MKNK1: variants seen among roughly 807,000 people sequenced by gnomAD.
The protein encoded by MKNK1 is MAP kinase-interacting serine/threonine-protein kinase 1.
MKNK1 carries 30 observed loss-of-function variants against 49.3 expected under a neutral mutation model. That is an observed-to-expected ratio of 0.61 (90% CI 0.46 to 0.83). The LOEUF (loss-of-function observed/expected upper bound fraction) is 0.83. Among genes scored for constraint, MKNK1 ranks in the 40% least tolerant of loss-of-function variants. MKNK1 has a pLI of 0.00. For missense variants in MKNK1, 423 were observed against 524.7 expected (o/e 0.81, Z 1.89); for synonymous variants, 176 against 201.7 (o/e 0.87, Z 1.08).
At chr1:46,602,635 G>A (rs1023094381) in intron 1 of MKNK1, among the ~76,000 whole-genome samples, 1 of 151,712 alleles carries the variant, frequency 6.6e-6, no homozygotes, top group Admixed American at 6.6e-5. Flanking sequence ...TTAAAACACT[G>A]AGATTTTTTT....
chr1:46,571,033 A>C (rs998101175), intron 7 of MKNK1, among the ~76,000 whole-genome samples: 3 of 152,240 alleles, frequency 2.0e-5, no homozygotes, highest in Non-Finnish European at 2.9e-5. Context: ...CATTTTTTCC[A>C]GGGTACTGCT....
intron 1 of MKNK1, among the ~76,000 whole-genome samples, chr1:46,594,691 A>T (rs998516309): frequency 2.0e-5 from 3 of 152,206 alleles, no homozygotes; most frequent in Admixed American, 1.3e-4. Context: ...GAGGAGTCTC[A>T]GGCAAAAGAT....
At position 46,589,485 on chromosome 1, in the gene MKNK1, G is replaced by A. The variant is rs1461615215; in HGVS notation, c.-3+4628C>T. Among the ~76,000 whole-genome samples the A allele has an allele frequency of 1.3e-5, 2 of 152,174 alleles. No individual in the cohort carries two copies. The highest frequency in any genetic ancestry group is 2.9e-5 in the Non-Finnish European group (2 of 68,028). On this transcript the variant is annotated intron_variant, in intron 2 of 12. Coordinates refer to ENST00000371945, the MANE Select transcript of MKNK1 (RefSeq NM_001135553.4). This position sits in a 1 kb window ranked among gnomAD's most constrained non-coding sequence, Gnocchi z 4.3. The stretch of plus-strand genomic sequence containing the variant: ...GCTCACAAGCAGTCTCATCGTCATC[G>A]ATGATAATAAATGTCTCCATTCCTA...
chr1:46,582,122 G>C (rs1027372022), intron 3 of MKNK1, among the ~76,000 whole-genome samples: 19 of 152,272 alleles, frequency 1.2e-4, no homozygotes, highest in African/African-American at 4.3e-4. Flanking sequence ...AAGAGCAAAA[G>C]AGCTGTTGAT....
chr1:46,567,238 G>T (rs769288391), intron 8 of MKNK1, among the ~76,000 whole-genome samples: 21 of 152,134 alleles, frequency 1.4e-4, no homozygotes, highest in Non-Finnish European at 2.6e-4. Flanking sequence ...CCACTGCCTG[G>T]TCCCAATTAT....
chr1:46,576,442 C>T (rs995633151), intron 5 of MKNK1, 133 bp downstream of exon 5: 6 of 700,772 alleles, frequency 8.6e-6, no homozygotes, highest in African/African-American at 5.3e-5. Context: ...CTGAAAGGGG[C>T]GGAAGGAGGT....
In MKNK1 at chr1:46,594,215, G is replaced by T; in HGVS notation, c.-105C>A. Reference sequence around the variant, plus strand: ...AGTTGGTGTCTTCCAGCTACACGAAGTGTCTCAATGGCCTTTGTGCGTAGG... The same window carrying T: ...AGTTGGTGTCTTCCAGCTACACGAATTGTCTCAATGGCCTTTGTGCGTAGG... On this transcript the variant is annotated 5_prime_UTR_variant, in exon 2 of 13. Coordinates refer to ENST00000371945, the MANE Select transcript of MKNK1 (RefSeq NM_001135553.4). The T allele has an allele frequency of 8.0e-7, 1 of 1,245,396 alleles. No homozygotes were observed. Among genetic ancestry groups the T allele is most frequent in the Non-Finnish European group, 1.2e-6 (1 of 845,324 alleles). 77.1% of individuals were successfully genotyped at this position (1,245,396 alleles called of 1,614,324 possible). A position where few individuals can be genotyped will look rare whatever the true frequency, so the allele number is the denominator to read the frequency against.
intron 6 of MKNK1, 41 bp downstream of exon 6, chr1:46,574,906 G>A (rs771908451): frequency 3.0e-6 from 4 of 1,320,994 alleles, no homozygotes; most frequent in Non-Finnish European, 3.2e-6. Flanking sequence ...ACCACCCTGG[G>A]TCTTAATCAG....
intron 2 of MKNK1, among the ~76,000 whole-genome samples, chr1:46,590,582 C>T (rs1673189417): frequency 6.6e-6 from 1 of 152,260 alleles, no homozygotes; most frequent in African/African-American, 2.4e-5. Flanking sequence ...AGATCTACAT[C>T]TAGATGGTCT....
At chr1:46,574,780 T>C in intron 6 of MKNK1, 167 bp downstream of exon 6, 1 of 581,744 alleles carries the variant, frequency 1.7e-6, no homozygotes, top group Non-Finnish European at 3.1e-6. Flanking sequence ...AAAATGCTAA[T>C]TATCATCCTT....
At chr1:46,560,008 G>T (rs1667653877) in intron 12 of MKNK1, among the ~76,000 whole-genome samples, 1 of 152,152 alleles carries the variant, frequency 6.6e-6, no homozygotes, top group Admixed American at 6.5e-5. Context: ...ACAGTGCTAG[G>T]AGGGGCCTTA....
At chr1:46,566,620 C>T (rs530615381) in intron 8 of MKNK1, among the ~76,000 whole-genome samples, 32 of 152,330 alleles carry the variant, frequency 2.1e-4, no homozygotes, top group African/African-American at 6.7e-4. Flanking sequence ...ATGAGGGTTA[C>T]GATTTCTCCA....
chr1:46,560,337 C>T, intron 11 of MKNK1, 60 bp from the exon 12 acceptor site: 1 of 1,572,024 alleles, frequency 6.4e-7, no homozygotes, highest in Non-Finnish European at 8.8e-7. Flanking sequence ...AAGAACTGCC[C>T]CACCCAAGCC....
rs141671229 is a variant in MKNK1 at position 46,571,599 on chromosome 1, T to G, written c.457+464A>C. 26 of 399,704 alleles carry G rather than the reference T, an allele frequency of 6.5e-5. No individual in the cohort carries two copies. In the East Asian group the frequency reaches 1.6e-3, roughly 25 times the overall value. 24.8% of individuals were successfully genotyped at this position (399,704 alleles called of 1,614,324 possible). A position where few individuals can be genotyped will look rare whatever the true frequency, so the allele number is the denominator to read the frequency against. On this transcript the variant is annotated intron_variant, in intron 7 of 12. Transcript: ENST00000371945. ...TTTTTCATTTACTGTGAACAAGATA[T>G]ATTAAACTACATATATCCTATCATG... is the stretch of plus-strand genomic sequence containing the variant.
chr1:46,561,471 C>A lies in MKNK1; in HGVS notation c.969+7G>T, dbSNP rs1557822441. ...GGTGGAAAACACCCCTCCCTGGAGT[C>A]ACTCACCCCCTGCACCCATGGGTGC... On this transcript the variant is annotated splice_region_variant and intron_variant, in intron 11 of 12. Transcript: ENST00000371945. 7.5e-6 allele frequency: 12 copies of A among 1,603,502 alleles called. No homozygotes were observed. Among genetic ancestry groups the A allele is most frequent in the Non-Finnish European group, 1.0e-5 (12 of 1,173,284 alleles).
At chr1:46,574,275 A>G (rs1557853641) in intron 6 of MKNK1, 2 of 152,250 alleles carry the variant, frequency 1.3e-5, no homozygotes, top group South Asian at 4.1e-4. Flanking sequence ...CTAGTAAGTG[A>G]TGCAGCTAGA....
chr1:46,578,069 T>C (rs1213466929), intron 4 of MKNK1, among the ~76,000 whole-genome samples: 1 of 152,224 alleles, frequency 6.6e-6, no homozygotes, highest in Admixed American at 6.5e-5. Context: ...ACAGAAGTGA[T>C]TCAACTTCAT....
At chr1:46,564,580 G>A (rs1433825931) in intron 9 of MKNK1, among the ~76,000 whole-genome samples, 6 of 138,240 alleles carry the variant, frequency 4.3e-5, no homozygotes, top group African/African-American at 1.6e-4. Flanking sequence ...GGGTTCAAGC[G>A]ATTCTCCTGC....
chr1:46,573,741 T>G (rs948490239), intron 6 of MKNK1: 2 of 152,402 alleles, frequency 1.3e-5, no homozygotes, highest in Middle Eastern at 6.7e-3. Context: ...TACTTTTTTT[T>G]TTTTTTTTTT....
Sources: allele counts gnomAD v4.1 joint callset (sites outside exome capture counted in the v4.1 genomes callset), GRCh38; gene constraint gnomAD v4.1.1; non-coding constraint Gnocchi (gnomAD v3.1); transcripts MANE v1.5; gene names NCBI Gene and HGNC (gene_info 2026-07-23, HGNC 2026-07-21).